The following PKIB variants were observed in gnomAD, a reference collection of about 807,000 sequenced individuals.
PKIB encodes PKI-beta.
Under a neutral mutation model 4.5 loss-of-function variants are expected in PKIB, and 2 were observed. That is an observed-to-expected ratio of 0.44 (90% CI 0.18 to 1.39). The LOEUF (loss-of-function observed/expected upper bound fraction) is 1.39, where lower values mean the gene tolerates loss of function less well. Ranked by LOEUF, PKIB falls within the 40% of genes most tolerant of loss-of-function variation. The probability of loss-of-function intolerance (pLI) is 0.27; values close to 1 mark genes in which losing one functional copy is unlikely to be tolerated. For missense variants in PKIB, 94 were observed against 92.6 expected, an observed-to-expected ratio of 1.02 and a Z score of -0.06; for synonymous variants, 38 against 36.0, an observed-to-expected ratio of 1.06 and a Z score of -0.20.
intron 2 of PKIB, among the ~76,000 whole-genome samples, chr6:122,560,587 C>G (rs1054292326): frequency 6.6e-6 from 1 of 151,994 alleles, no homozygotes; most frequent in Non-Finnish European, 1.5e-5. Context: ...CTTTCTCTAT[C>G]TTGTGGAATA....
intron 3 of PKIB, among the ~76,000 whole-genome samples, chr6:122,704,894 C>T (rs1778994283): frequency 6.6e-6 from 1 of 152,066 alleles, no homozygotes; most frequent in Admixed American, 6.6e-5. Flanking sequence ...TTCAACTCTA[C>T]AAAAAGTTTT....
chr6:122,694,229 A>G (rs1371314984), intron 3 of PKIB, among the ~76,000 whole-genome samples: 1 of 147,878 alleles, frequency 6.8e-6, no homozygotes, highest in African/African-American at 2.5e-5. Context: ...GTGTGACCAC[A>G]GTTACCTAGG....
chr6:122,724,510 G>T (rs2115099520), intron 4 of PKIB, among the ~76,000 whole-genome samples: 1 of 152,186 alleles, frequency 6.6e-6, no homozygotes, highest in African/African-American at 2.4e-5. Context: ...TTTGCACTGG[G>T]CACCAACAAA....
intron 3 of PKIB, among the ~76,000 whole-genome samples, chr6:122,687,675 A>G (rs111937119): frequency 1.9e-3 from 295 of 152,064 alleles, no homozygotes; most frequent in African/African-American, 6.9e-3. Flanking sequence ...TTGTAGAGAT[A>G]TTTCACTTCT....
chr6:122,566,076 C>A (rs993645556), intron 2 of PKIB, among the ~76,000 whole-genome samples: 1 of 151,854 alleles, frequency 6.6e-6, no homozygotes, highest in African/African-American at 2.4e-5. Context: ...AAGTACTGAG[C>A]TGACTTTGAT....
intron 3 of PKIB, among the ~76,000 whole-genome samples, chr6:122,686,670 T>C (rs1325556359): frequency 6.6e-6 from 1 of 151,900 alleles, no homozygotes; most frequent in Non-Finnish European, 1.5e-5. Context: ...ATAACTTCTT[T>C]AATTTCTGTA....
At chr6:122,693,136 T>G (rs1778421839) in intron 3 of PKIB, among the ~76,000 whole-genome samples, 1 of 152,168 alleles carries the variant, frequency 6.6e-6, no homozygotes, top group Non-Finnish European at 1.5e-5. Flanking sequence ...TGTAGAACAT[T>G]CTATCCTCTG....
intron 3 of PKIB, among the ~76,000 whole-genome samples, chr6:122,589,016 A>G (rs985232830): frequency 6.6e-6 from 1 of 152,156 alleles, no homozygotes; most frequent in Non-Finnish European, 1.5e-5. Context: ...AGAGGTTGTT[A>G]TTTTAGTGCT....
chr6:122,491,986 A>G (rs1192689489), intron 2 of PKIB, among the ~76,000 whole-genome samples: 1 of 152,202 alleles, frequency 6.6e-6, no homozygotes, highest in African/African-American at 2.4e-5. Flanking sequence ...CTACATTACT[A>G]AAAGCTAAGA....
intron 2 of PKIB, among the ~76,000 whole-genome samples, chr6:122,516,461 A>G (rs1776756396): frequency 6.6e-6 from 1 of 152,154 alleles, no homozygotes; most frequent in Non-Finnish European, 1.5e-5. Flanking sequence ...CTTGCCTTCA[A>G]CTTCCAAGAC....
At chr6:122,498,421 G>A (rs1198726684) in intron 2 of PKIB, among the ~76,000 whole-genome samples, 1 of 152,216 alleles carries the variant, frequency 6.6e-6, no homozygotes, top group Non-Finnish European at 1.5e-5. Context: ...AATAGTGGGA[G>A]TTACCATTCA....
intron 1 of PKIB, among the ~76,000 whole-genome samples, chr6:122,615,647 G>T (rs1053483447): frequency 2.0e-5 from 3 of 152,114 alleles, no homozygotes; most frequent in African/African-American, 7.2e-5. Flanking sequence ...CTAGGATGAG[G>T]TCATACTAGA....
At chr6:122,646,483 A>G (rs1776322004) in intron 2 of PKIB, among the ~76,000 whole-genome samples, 1 of 152,200 alleles carries the variant, frequency 6.6e-6, no homozygotes, top group African/African-American at 2.4e-5. Flanking sequence ...AACCCTCAAA[A>G]CAAAATCTAA....
intron 2 of PKIB, among the ~76,000 whole-genome samples, chr6:122,528,921 C>T (rs1438108895): frequency 1.3e-5 from 2 of 152,106 alleles, no homozygotes; most frequent in African/African-American, 2.4e-5. Flanking sequence ...ACACAATTCT[C>T]ATGACCTCAT....
At chr6:122,495,232 C>T (rs913838017) in intron 2 of PKIB, among the ~76,000 whole-genome samples, 1 of 152,176 alleles carries the variant, frequency 6.6e-6, no homozygotes, top group Non-Finnish European at 1.5e-5. Context: ...AAAGTCCACC[C>T]TCTTGGGTGG....
chr6:122,565,722 A>G (rs867270116), intron 2 of PKIB, among the ~76,000 whole-genome samples: 22 of 152,178 alleles, frequency 1.4e-4, no homozygotes, highest in Non-Finnish European at 2.6e-4. Flanking sequence ...TCAACTTTTT[A>G]AGATTTTCCA....
intron 4 of PKIB, among the ~76,000 whole-genome samples, chr6:122,723,929 T>C (rs975676428): frequency 6.6e-6 from 1 of 152,352 alleles, no homozygotes; most frequent in Non-Finnish European, 1.5e-5. Flanking sequence ...CATCAGATTT[T>C]CCTTGAGAGC....
intron 2 of PKIB, among the ~76,000 whole-genome samples, chr6:122,558,512 A>G (rs920468136): frequency 2.0e-5 from 3 of 152,362 alleles, no homozygotes; most frequent in Admixed American, 6.5e-5. Flanking sequence ...AGAGAAGTCT[A>G]TAAGAAAAAA....
Position 122,633,857 on chromosome 6 carries a change from T to C in PKIB, c.-76+490T>C, listed in dbSNP as rs373560936. Reference sequence around the variant, plus strand: ...AAATATTCTTGATGACACTAATAGGTGAACATAAACCTCAAGTTAATACTT... The same window carrying C: ...AAATATTCTTGATGACACTAATAGGCGAACATAAACCTCAAGTTAATACTT... On this transcript the variant is annotated intron_variant, in intron 2 of 4. Coordinates refer to ENST00000368452, the MANE Select transcript of PKIB (RefSeq NM_181795.3). Among the ~76,000 whole-genome samples the C allele has an allele frequency of 3.5e-4, 54 of 152,266 alleles. No individual in the cohort carries two copies. The South Asian group carries it at 0.011, about 30-fold the overall frequency.
Sources: gnomAD v4.1 joint callset for allele counts (sites outside exome capture counted in the v4.1 genomes callset) on GRCh38, gnomAD v4.1.1 for gene constraint, MANE v1.5 for transcripts, NCBI Gene and HGNC (gene_info 2026-07-23, HGNC 2026-07-21) for gene names.